Variants in DLG2 observed in about 807,000 individuals in gnomAD.
The protein encoded by DLG2 is discs large MAGUK scaffold protein 2.
A neutral mutation model predicts 132.5 loss-of-function variants in DLG2; 45 were observed. The ratio of observed to expected loss-of-function variants is 0.34; its 90% confidence interval spans 0.27 to 0.44. DLG2 has a LOEUF of 0.44. DLG2 is among the 20% of genes least tolerant of loss of function. The pLI is 1.00. For missense variants in DLG2, 1,045 were observed against 1,196.9 expected (o/e 0.87, Z 1.87); for synonymous variants, 424 against 419.6 (o/e 1.01, Z -0.13).
At chr11:84,527,599 A>C (rs2099325242) in intron 7 of DLG2, among the ~76,000 whole-genome samples, 1 of 152,176 alleles carries the variant, frequency 6.6e-6, no homozygotes, top group Non-Finnish European at 1.5e-5. Context: ...ACACACAATA[A>C]TATTTATCTG....
intron 5 of DLG2, among the ~76,000 whole-genome samples, chr11:85,139,494 A>T (rs2076326696): frequency 6.6e-6 from 1 of 152,068 alleles, no homozygotes. Context: ...AAATTAATTT[A>T]TTTTGAAATA....
intron 17 of DLG2, among the ~76,000 whole-genome samples, chr11:83,788,568 G>C (rs1462700986): frequency 1.3e-5 from 2 of 152,214 alleles, no homozygotes; most frequent in African/African-American, 2.4e-5. Flanking sequence ...AGTCATTTCA[G>C]AGACTGTCTA....
At chr11:85,257,966 G>A (rs1004891214) in intron 4 of DLG2, among the ~76,000 whole-genome samples, 3 of 152,090 alleles carry the variant, frequency 2.0e-5, no homozygotes, top group East Asian at 1.9e-4. Context: ...CAAGTAGCTG[G>A]AACCTGGCTC....
At chr11:84,051,546 T>C (rs1357675223) in intron 11 of DLG2, among the ~76,000 whole-genome samples, 2 of 148,422 alleles carry the variant, frequency 1.3e-5, no homozygotes, top group Non-Finnish European at 3.0e-5. Flanking sequence ...ACACTGCATG[T>C]TCTCACTCAT....
chr11:85,621,973 T>A (rs910371733), intron 2 of DLG2, among the ~76,000 whole-genome samples: 1 of 152,210 alleles, frequency 6.6e-6, no homozygotes, highest in Non-Finnish European at 1.5e-5. Context: ...AAAGAGTCAA[T>A]TGATGTGGCA....
chr11:84,944,804 C>T lies in DLG2; in HGVS notation c.357+166857G>A, dbSNP rs546182028. Among the ~76,000 whole-genome samples the T allele has an allele frequency of 2.0e-5, 3 of 152,180 alleles. No individual in the cohort carries two copies. In the South Asian group the frequency reaches 6.2e-4, roughly 32 times the overall value. ...TATTTTTGGTAGAGATGGGGTTTCA[C>T]CATGTTAGCCAGGATGGTCTTGATC... is the stretch of plus-strand genomic sequence containing the variant. On this transcript the variant is annotated intron_variant, in intron 6 of 27. Coordinates refer to ENST00000376104, the MANE Select transcript of DLG2 (RefSeq NM_001142699.3).
intron 14 of DLG2, among the ~76,000 whole-genome samples, chr11:83,932,027 A>G (rs1212246030): frequency 6.6e-6 from 1 of 152,184 alleles, no homozygotes; most frequent in Non-Finnish European, 1.5e-5. Context: ...TAGAGATATC[A>G]CATCCAGTTT....
chr11:84,397,632 A>G (rs1476339230), intron 7 of DLG2, among the ~76,000 whole-genome samples: 1 of 152,224 alleles, frequency 6.6e-6, no homozygotes, highest in Non-Finnish European at 1.5e-5. Context: ...CTGCATGACT[A>G]TGTGGTCAAC....
chr11:83,861,083 T>C (rs2061381815), intron 16 of DLG2, among the ~76,000 whole-genome samples: 1 of 152,148 alleles, frequency 6.6e-6, no homozygotes, highest in Admixed American at 6.5e-5. Context: ...TTCACTAATA[T>C]ATGCCATGAA....
chr11:84,085,578 T>TC (rs2096965210), intron 10 of DLG2, among the ~76,000 whole-genome samples: 1 of 152,156 alleles, frequency 6.6e-6, no homozygotes, highest in Non-Finnish European at 1.5e-5. Flanking sequence ...AATGGAAAAT[T>TC]CCCCAAGATC....
At chr11:85,254,001 G>A (rs1365526195) in intron 4 of DLG2, among the ~76,000 whole-genome samples, 7 of 152,128 alleles carry the variant, frequency 4.6e-5, no homozygotes, top group African/African-American at 1.7e-4. Flanking sequence ...TATGGGCACA[G>A]GATCGGGGGC....
chr11:84,275,499 C>G (rs570142505), intron 7 of DLG2, among the ~76,000 whole-genome samples: 5 of 152,294 alleles, frequency 3.3e-5, no homozygotes, highest in Admixed American at 2.6e-4. Context: ...GGACTACAGG[C>G]ACCCGCCACC....
rs145931436 is a variant in DLG2, at chr11:85,113,831, T to C, written c.283-2096A>G. 3.5e-3 allele frequency among the ~76,000 whole-genome samples: 530 copies of C among 152,132 alleles called. 4 individuals are homozygous for C. The highest frequency in any genetic ancestry group is 5.7e-3 in the Non-Finnish European group (389 of 67,938). ...CTTTATAGTTCTACCAAGAATTTAA[T>C]ATTTGGTTTTATCTACCAAAGTGGT... On this transcript the variant is annotated intron_variant, in intron 5 of 27. Transcript: ENST00000376104.
In DLG2 at chr11:83,480,604, C is replaced by T. The variant is rs1255559891; in HGVS notation, c.2293+3525G>A. 29 of 1,556,122 alleles carry T rather than the reference C, an allele frequency of 1.9e-5. No homozygotes were observed. The Admixed American group carries it at 1.9e-4, about 10-fold the overall frequency. On this transcript the variant is annotated intron_variant, in intron 22 of 27. Coordinates refer to ENST00000376104, the MANE Select transcript of DLG2 (RefSeq NM_001142699.3). ...ACTTTATCTCCATTTTACAGGAACCCGCTGCTTGATTGCTGTTTCTTCTTT... is the reference window on the plus strand; with the variant it reads ...ACTTTATCTCCATTTTACAGGAACCTGCTGCTTGATTGCTGTTTCTTCTTT...
chr11:85,122,825 T>C (rs551723269), intron 5 of DLG2, among the ~76,000 whole-genome samples: 2 of 148,692 alleles, frequency 1.3e-5, no homozygotes, highest in Admixed American at 1.4e-4. Context: ...ATGCAAATTA[T>C]ATATATATAT....
At chr11:83,742,131 C>A (rs1280070693) in intron 18 of DLG2, among the ~76,000 whole-genome samples, 1 of 151,706 alleles carries the variant, frequency 6.6e-6, no homozygotes, top group Non-Finnish European at 1.5e-5. Flanking sequence ...TCTGAATAAA[C>A]AAATGGGTTT....
At chr11:84,947,316 C>G (rs1325678854) in intron 6 of DLG2, among the ~76,000 whole-genome samples, 1 of 152,198 alleles carries the variant, frequency 6.6e-6, no homozygotes, top group Non-Finnish European at 1.5e-5. Context: ...TCTTGCACCA[C>G]TGCCTCTTCC....
chr11:85,519,478 G>T (rs1188807511), intron 3 of DLG2, among the ~76,000 whole-genome samples: 1 of 152,150 alleles, frequency 6.6e-6, no homozygotes, highest in Admixed American at 6.5e-5. Context: ...CTCCTATTTG[G>T]AATGTCTGTA....
chr11:84,000,143 T>C (rs1586142), intron 11 of DLG2, among the ~76,000 whole-genome samples: 98,353 of 151,922 alleles, frequency 0.65, 35,128 homozygotes, highest in Non-Finnish European at 0.81. Flanking sequence ...ATTCAGGATA[T>C]GAATGACAAA....
Sources: gnomAD v4.1 joint callset for allele counts (sites outside exome capture counted in the v4.1 genomes callset) on GRCh38, gnomAD v4.1.1 for gene constraint, MANE v1.5 for transcripts, NCBI Gene and HGNC (gene_info 2026-07-23, HGNC 2026-07-21) for gene names.